CDC42BPA: variants seen among roughly 807,000 people sequenced by gnomAD.
CDC42BPA encodes CDC42 binding protein kinase alpha, also known as serine/threonine-protein kinase MRCK alpha.
A neutral mutation model predicts 223.5 loss-of-function variants in CDC42BPA; 80 were observed. The observed-to-expected ratio is 0.36, with a 90% CI of 0.30 to 0.43. CDC42BPA has a LOEUF of 0.43. Among genes scored for constraint, CDC42BPA ranks in the 20% least tolerant of loss-of-function variants. The probability of loss-of-function intolerance (pLI) is 1.00; values close to 1 mark genes in which losing one functional copy is unlikely to be tolerated. For synonymous variants in CDC42BPA, 694 were observed against 718.6 expected (o/e 0.97, Z 0.55); for missense variants, 1,743 against 2,099.9 (o/e 0.83, Z 3.32).
chr1:227,196,338 C>CTTTTTTTTTTTTTTTTTT lies in CDC42BPA; in HGVS notation c.451-2422_451-2405dup, dbSNP rs34352900. Among the ~76,000 whole-genome samples the CTTTTTTTTTTTTTTTTTT allele has an allele frequency of 5.1e-4, 47 of 92,360 alleles. 8 individuals carry two copies. The highest frequency in any genetic ancestry group is 2.1e-3 in the African/African-American group (45 of 21,204). 60.6% of individuals were successfully genotyped at this position (92,360 alleles called of 152,430 possible). On this transcript the variant is annotated intron_variant, in intron 4 of 36. Coordinates refer to ENST00000366766, the MANE Select transcript of CDC42BPA (RefSeq NM_001394014.1). ...GCTTTCTTTTTACTATTAAACAATA[C>CTTTTTTTTTTTTTTTTTT]TTTTTTTTTTTTTTTTTTTGAGACA...
intron 2 of CDC42BPA, among the ~76,000 whole-genome samples, chr1:227,226,746 TACTTCCCTCCC>T (rs1377109026): frequency 6.6e-6 from 1 of 152,210 alleles, no homozygotes; most frequent in Non-Finnish European, 1.5e-5. Context: ...TAGACTCATT[TACTTCCCTCCC>T]ACCTTCAAGC....
In CDC42BPA at chr1:227,318,069, C is replaced by A; in HGVS notation, c.-887G>T. The A allele has an allele frequency of 7.5e-6, 2 of 266,426 alleles. No homozygotes were observed. Among genetic ancestry groups the A allele is most frequent in the Non-Finnish European group, 1.4e-5 (2 of 143,122 alleles). 16.5% of individuals were successfully genotyped at this position (266,426 alleles called of 1,614,324 possible). A position where few individuals can be genotyped will look rare whatever the true frequency, so the allele number is the denominator to read the frequency against. Reference sequence around the variant, plus strand: ...GTCGGTGGTCGCTCGTGGGCCGAGCCGCGCCGCGCCGCGCCGGGCAGAGAG... The same window carrying A: ...GTCGGTGGTCGCTCGTGGGCCGAGCAGCGCCGCGCCGCGCCGGGCAGAGAG... On this transcript the variant is annotated 5_prime_UTR_variant, in exon 1 of 37. Coordinates refer to ENST00000366766, the MANE Select transcript of CDC42BPA (RefSeq NM_001394014.1).
At chr1:227,004,326 T>A (rs543108124) in intron 35 of CDC42BPA, 1 of 152,530 alleles carries the variant, frequency 6.6e-6, no homozygotes, top group African/African-American at 2.4e-5. Flanking sequence ...TTGGTTTCCA[T>A]TGGGACCACT....
At chr1:227,117,036 A>G (rs910063790) in intron 12 of CDC42BPA, among the ~76,000 whole-genome samples, 2 of 152,184 alleles carry the variant, frequency 1.3e-5, no homozygotes, top group East Asian at 1.9e-4. Flanking sequence ...TTTCCTCTAT[A>G]TAAGCACCTG....
chr1:227,179,970 G>A (rs1242027308), intron 5 of CDC42BPA, among the ~76,000 whole-genome samples: 3 of 152,140 alleles, frequency 2.0e-5, no homozygotes, highest in Admixed American at 1.3e-4. Context: ...TACTTTGGGA[G>A]GCCATGGAGG....
At chr1:227,315,207 C>T (rs1029177453) in intron 1 of CDC42BPA, among the ~76,000 whole-genome samples, 3 of 150,750 alleles carry the variant, frequency 2.0e-5, no homozygotes, top group African/African-American at 7.3e-5. Context: ...CAGCCAAATA[C>T]TTATTTGATA....
intron 19 of CDC42BPA, among the ~76,000 whole-genome samples, chr1:227,072,950 G>A (rs1355680682): frequency 6.6e-6 from 1 of 152,026 alleles, no homozygotes; most frequent in African/African-American, 2.4e-5. Context: ...GCACATTTAA[G>A]TAAAACATAC....
At chr1:227,098,070 T>C (rs1684344975) in intron 15 of CDC42BPA, among the ~76,000 whole-genome samples, 1 of 152,196 alleles carries the variant, frequency 6.6e-6, no homozygotes, top group African/African-American at 2.4e-5. Flanking sequence ...TTATGCCCCT[T>C]GGTCTAATTC....
chr1:227,033,402 A>C lies in CDC42BPA; in HGVS notation c.3490T>G (p.Ser1164Ala). 6.2e-7 allele frequency: 1 copy of C among 1,613,146 alleles called. No individual in the cohort carries two copies. Residue 1164 changes from serine (S) to alanine (A), a missense_variant, in exon 27 of 37, where the codon TCT becomes GCT. By Grantham distance (99) the Ser-to-Ala change is moderately conservative. Coordinates refer to ENST00000366766, the MANE Select transcript of CDC42BPA (RefSeq NM_001394014.1). ...QVIDMRDEEFSVSSVLASDVI... is the reference protein window; with the variant it reads ...QVIDMRDEEFAVSSVLASDVI... The stretch of plus-strand genomic sequence containing the variant: ...TCAGAAGCCAAGACTGAACTCACAG[A>C]AAATTCTTCATCCCTGAACGAAAAG...
Position 227,035,496 on chromosome 1 carries a change from C to T in CDC42BPA, c.3311G>A (p.Gly1104Glu). 6.2e-7 allele frequency: 1 copy of T among 1,610,862 alleles called. No individual in the cohort carries two copies. The highest frequency in any genetic ancestry group is 8.5e-7 in the Non-Finnish European group (1 of 1,178,966). The change falls in exon 25 of 37, where the codon GGA becomes GAA. Residue 1104 changes from glycine (G) to glutamate (E), a missense_variant. This residue lies in a region of CDC42BPA where 678 missense variants were observed against 777.5 expected (regional missense o/e 0.87). Transcript: ENST00000366766. ...PLGIDPQKGI[G>E]TAYEGHVRIP... The stretch of plus-strand genomic sequence containing the variant: ...CCTGACATGACCTTCATATGCTGTT[C>T]CTATTCCTTTCTGAGGATCTATACC...
chr1:227,073,887 T>A lies in CDC42BPA; in HGVS notation c.2712A>T (p.Lys904Asn). 1 of 1,604,202 alleles carries A rather than the reference T, an allele frequency of 6.2e-7. No individual in the cohort carries two copies. The highest frequency in any genetic ancestry group is 8.5e-7 in the Non-Finnish European group (1 of 1,177,038). The change falls in exon 19 of 37, where the codon AAA becomes AAT. Residue 904 changes from lysine to asparagine, a missense_variant. Coordinates refer to ENST00000366766, the MANE Select transcript of CDC42BPA (RefSeq NM_001394014.1). The part of the protein sequence containing the change: ...QAIQEELNKV[K>N]ASNIITECKL... ...ACCATTCTGTTATGATATTAGATGC[T>A]TTAACTTTATTCAACTCTTCTTGGA...
At chr1:227,137,180 G>A (rs553723157) in intron 10 of CDC42BPA, among the ~76,000 whole-genome samples, 3 of 152,084 alleles carry the variant, frequency 2.0e-5, no homozygotes, top group Admixed American at 6.5e-5. Context: ...GATATATAAA[G>A]ACCTAATAGA....
chr1:227,265,215 T>C, intron 1 of CDC42BPA: 1 of 593,722 alleles, frequency 1.7e-6, no homozygotes, highest in African/African-American at 1.8e-5. Flanking sequence ...GTGCACACTT[T>C]GGCATCTAAC....
At chr1:227,051,465 G>A (rs969741482) in intron 22 of CDC42BPA, among the ~76,000 whole-genome samples, 2 of 152,192 alleles carry the variant, frequency 1.3e-5, no homozygotes, top group African/African-American at 4.8e-5. Flanking sequence ...TCAGTTGCCA[G>A]AAGTGGCTAT....
chr1:227,069,774 T>TA lies in CDC42BPA; in HGVS notation c.2904+2dup. On this transcript the variant is annotated splice_region_variant and intron_variant, in intron 21 of 36. Coordinates refer to ENST00000366766, the MANE Select transcript of CDC42BPA (RefSeq NM_001394014.1). ...GAGGATATGTGACATGTTTAATACT[T>TA]ACTTCAAATTGATCCAGAGCATCGG... 1 of 1,596,742 alleles carries TA rather than the reference T, an allele frequency of 6.3e-7. No homozygotes were observed. The highest frequency in any genetic ancestry group is 8.6e-7 in the Non-Finnish European group (1 of 1,165,020).
intron 5 of CDC42BPA, among the ~76,000 whole-genome samples, chr1:227,172,679 CT>C (rs1439500054): frequency 6.6e-6 from 1 of 151,854 alleles, no homozygotes; most frequent in Non-Finnish European, 1.5e-5. Context: ...TTGGGGGAAA[CT>C]GGGCGAAAGG....
chr1:227,000,274 T>C (rs1055168721), intron 35 of CDC42BPA, among the ~76,000 whole-genome samples: 1 of 152,162 alleles, frequency 6.6e-6, no homozygotes, highest in Non-Finnish European at 1.5e-5. Context: ...TGTTGACATA[T>C]TTCTTGGGAA....
intron 30 of CDC42BPA, among the ~76,000 whole-genome samples, chr1:227,028,430 GA>G (rs988637148): frequency 1.3e-5 from 2 of 152,206 alleles, no homozygotes; most frequent in Non-Finnish European, 2.9e-5. Context: ...ATATTCCACA[GA>G]AAGATGTTTT....
At chr1:227,078,997 A>G (rs1002962992) in intron 17 of CDC42BPA, among the ~76,000 whole-genome samples, 4 of 152,172 alleles carry the variant, frequency 2.6e-5, no homozygotes, top group African/African-American at 9.6e-5. Context: ...AAGCATTTTG[A>G]ATAAGGAATA....
Sources: allele counts gnomAD v4.1 joint callset (sites outside exome capture counted in the v4.1 genomes callset), GRCh38; gene constraint gnomAD v4.1.1; regional missense constraint gnomAD v4.1.1; transcripts MANE v1.5; gene names NCBI Gene and HGNC (gene_info 2026-07-23, HGNC 2026-07-21).